Variants in PHC3 observed in about 807,000 individuals in gnomAD.
The protein encoded by PHC3 is polyhomeotic-like protein 3.
A neutral mutation model predicts 107.4 loss-of-function variants in PHC3; 13 were observed. The observed-to-expected ratio is 0.12, with a 90% CI of 0.08 to 0.19. PHC3 has a LOEUF of 0.19. PHC3 is among the 10% of genes least tolerant of loss of function. The probability of loss-of-function intolerance (pLI) is 1.00; values close to 1 mark genes in which losing one functional copy is unlikely to be tolerated. For missense variants in PHC3, 992 were observed against 1,210.9 expected, an observed-to-expected ratio of 0.82 and a Z score of 2.68; for synonymous variants, 456 against 427.4, an observed-to-expected ratio of 1.07 and a Z score of -0.83.
At chr3:170,138,689 C>CAAAAAAAAAAAAAA (rs11284597) in intron 6 of PHC3, among the ~76,000 whole-genome samples, 1 of 81,330 alleles carries the variant, frequency 1.2e-5, no homozygotes, top group African/African-American at 4.6e-5. Context: ...GACTCTGTCT[C>CAAAAAAAAAAAAAA]AAAAAAAAAA....
chr3:170,162,984 TCTC>T (rs59713360), intron 4 of PHC3, among the ~76,000 whole-genome samples: 37,343 of 151,910 alleles, frequency 0.25, 5,335 homozygotes, highest in East Asian at 0.48. Flanking sequence ...GCTTTATTTT[TCTC>T]CTTTTTTATT....
intron 4 of PHC3, among the ~76,000 whole-genome samples, chr3:170,154,080 G>C (rs1335869724): frequency 6.6e-6 from 1 of 152,028 alleles, no homozygotes; most frequent in Admixed American, 6.6e-5. Context: ...TTGCCTAATT[G>C]TTACCGTCCA....
intron 11 of PHC3, among the ~76,000 whole-genome samples, chr3:170,112,609 C>T (rs1489067134): frequency 2.0e-5 from 3 of 151,128 alleles, no homozygotes; most frequent in African/African-American, 7.3e-5. Flanking sequence ...CTGCAACCTC[C>T]GCCTCTGGGG....
At chr3:170,112,651 G>A (rs528174977) in intron 11 of PHC3, among the ~76,000 whole-genome samples, 2 of 150,774 alleles carry the variant, frequency 1.3e-5, no homozygotes, top group South Asian at 4.2e-4. Context: ...AGCCTCCCAA[G>A]TAGCTGGTAT....
At chr3:170,171,865 AACAG>A (rs1163307332) in intron 3 of PHC3, among the ~76,000 whole-genome samples, 1 of 152,242 alleles carries the variant, frequency 6.6e-6, no homozygotes, top group Non-Finnish European at 1.5e-5. Context: ...ATCTGTTGGT[AACAG>A]AAATAAACCT....
chr3:170,130,072 A>G (rs548064018), intron 7 of PHC3, among the ~76,000 whole-genome samples: 2 of 152,352 alleles, frequency 1.3e-5, no homozygotes, highest in East Asian at 1.9e-4. Context: ...GATAAGTTCT[A>G]AAAGAAAACT....
At position 170,162,758 on chromosome 3, in the gene PHC3, A is replaced by T. The variant is rs569625002; in HGVS notation, c.414+8615T>A. ...AGCTTCCCAACTCATACTTACTAAA[A>T]CCCAAAGGTCTTATAATTTCCTCAT... On this transcript the variant is annotated intron_variant, in intron 4 of 14. Coordinates refer to ENST00000495893, the MANE Select transcript of PHC3 (RefSeq NM_024947.4). Among the ~76,000 whole-genome samples the T allele has an allele frequency of 4.6e-5, 7 of 152,134 alleles. No homozygotes were observed. The South Asian group carries it at 1.5e-3, about 32-fold the overall frequency.
intron 9 of PHC3, among the ~76,000 whole-genome samples, chr3:170,122,329 T>A (rs1246759821): frequency 6.6e-6 from 1 of 151,794 alleles, no homozygotes; most frequent in Non-Finnish European, 1.5e-5. Context: ...ACAGGCTGGG[T>A]GCAATGGCTC....
rs1714786730 is a variant in PHC3 at position 170,097,550 on chromosome 3, A to G, written c.2834-166T>C. On this transcript the variant is annotated intron_variant, in intron 14 of 14. Coordinates refer to ENST00000495893, the MANE Select transcript of PHC3 (RefSeq NM_024947.4). This position sits in a 1 kb window ranked among gnomAD's most constrained non-coding sequence, Gnocchi z 4.1. ...TCTTGAGTTCACTCTTGAAGAATAG[A>G]GTATTTGCATTCTGAAAATAAGAAT... 6.6e-6 allele frequency among the ~76,000 whole-genome samples: 1 copy of G among 152,218 alleles called. No individual in the cohort carries two copies. The highest frequency in any genetic ancestry group is 6.5e-5 in the Admixed American group (1 of 15,272).
intron 4 of PHC3, among the ~76,000 whole-genome samples, chr3:170,165,069 T>A (rs1415695718): frequency 6.6e-6 from 1 of 151,516 alleles, no homozygotes; most frequent in Non-Finnish European, 1.5e-5. Flanking sequence ...GTGGGGAGAG[T>A]AAAAGGTACT....
chr3:170,117,148 T>C lies in PHC3; in HGVS notation c.2193+78A>G, dbSNP rs563740921. The C allele has an allele frequency of 9.8e-6, 15 of 1,536,652 alleles. No individual in the cohort carries two copies. The East Asian group carries it at 3.4e-4, about 35-fold the overall frequency. On this transcript the variant is annotated intron_variant, in intron 10 of 14. Coordinates refer to ENST00000495893, the MANE Select transcript of PHC3 (RefSeq NM_024947.4). Reference sequence around the variant, plus strand: ...TGAAATAAAATTACAAGCTTTTTATTAGAGAACAGTAATATGTAACTTTTA... The same window carrying C: ...TGAAATAAAATTACAAGCTTTTTATCAGAGAACAGTAATATGTAACTTTTA...
intron 9 of PHC3, among the ~76,000 whole-genome samples, chr3:170,121,322 G>C (rs1223108271): frequency 6.6e-6 from 1 of 151,866 alleles, no homozygotes; most frequent in East Asian, 1.9e-4. Flanking sequence ...AAAAAAGAAA[G>C]AAAACAGGCA....
chr3:170,155,243 C>A (rs1054609135), intron 4 of PHC3, among the ~76,000 whole-genome samples: 2 of 152,340 alleles, frequency 1.3e-5, no homozygotes, highest in African/African-American at 4.8e-5. Context: ...CAGAATCAAT[C>A]AGGTATACCC....
chr3:170,119,500 T>C (rs1388552936), intron 9 of PHC3, among the ~76,000 whole-genome samples: 1 of 152,194 alleles, frequency 6.6e-6, no homozygotes, highest in Non-Finnish European at 1.5e-5. Flanking sequence ...TACTAACTTT[T>C]TGAAGATGGT....
intron 4 of PHC3, among the ~76,000 whole-genome samples, chr3:170,160,270 T>G (rs552470635): frequency 1.3e-5 from 2 of 152,366 alleles, no homozygotes; most frequent in South Asian, 4.1e-4. Flanking sequence ...CTCTACCTGT[T>G]TTAAAAGTTT....
At chr3:170,151,134 C>G (rs1378521199) in intron 4 of PHC3, among the ~76,000 whole-genome samples, 1 of 151,980 alleles carries the variant, frequency 6.6e-6, no homozygotes, top group Non-Finnish European at 1.5e-5. Flanking sequence ...TCGCTTGAAC[C>G]CGGGAGGCGG....
intron 4 of PHC3, chr3:170,170,629 TC>T (rs1307098149): frequency 2.0e-5 from 3 of 152,048 alleles, no homozygotes; most frequent in Non-Finnish European, 2.9e-5. Context: ...GGAACATATC[TC>T]AACTTACAAA....
intron 6 of PHC3, among the ~76,000 whole-genome samples, chr3:170,139,399 G>T (rs745502845): frequency 7.2e-5 from 11 of 152,060 alleles, no homozygotes. Flanking sequence ...GCAAGAGAAA[G>T]ACAATATAAA....
At chr3:170,117,945 G>A (rs1465876562) in intron 9 of PHC3, among the ~76,000 whole-genome samples, 2 of 152,042 alleles carry the variant, frequency 1.3e-5, no homozygotes, top group African/African-American at 4.8e-5. Context: ...CCCAGGAGGC[G>A]GAGGCTGCAG....
Sources: allele counts gnomAD v4.1 joint callset (sites outside exome capture counted in the v4.1 genomes callset), GRCh38; gene constraint gnomAD v4.1.1; non-coding constraint Gnocchi (gnomAD v3.1); transcripts MANE v1.5; gene names NCBI Gene and HGNC (gene_info 2026-07-23, HGNC 2026-07-21).